The following PREX1 variants were observed in gnomAD, a reference collection of about 807,000 sequenced individuals.
PREX1 encodes phosphatidylinositol-3,4,5-trisphosphate dependent Rac exchange factor 1.
Under a neutral mutation model 198.3 loss-of-function variants are expected in PREX1, and 41 were observed. The observed-to-expected ratio is 0.21, with a 90% CI of 0.16 to 0.27. The LOEUF (loss-of-function observed/expected upper bound fraction) is 0.27. Among genes scored for constraint, PREX1 ranks in the 10% least tolerant of loss-of-function variants. PREX1 has a pLI of 1.00. For missense variants in PREX1, 1,620 were observed against 2,200.7 expected (o/e 0.74, Z 5.28); for synonymous variants, 843 against 887.2 (o/e 0.95, Z 0.89).
At chr20:48,700,524 T>C (rs1375521461) in intron 7 of PREX1, among the ~76,000 whole-genome samples, 1 of 152,216 alleles carries the variant, frequency 6.6e-6, no homozygotes, top group Non-Finnish European at 1.5e-5. Flanking sequence ...TTAACTAAAA[T>C]ATATTATTTA....
At chr20:48,830,461 T>C (rs2090534853), upstream of PREX1, among the ~76,000 whole-genome samples, 1 of 152,236 alleles carries the variant, frequency 6.6e-6, no homozygotes. Flanking sequence ...CTGACACACA[T>C]AGCTGGCACA....
At position 48,630,778 on chromosome 20, in the gene PREX1, G is replaced by A. The variant is rs769354842; in HGVS notation, c.4543C>T (p.Arg1515Trp). Residue 1515 changes from arginine to tryptophan, a missense_variant, in exon 36 of 40, where the codon CGG becomes TGG. Physicochemically the swap from Arg to Trp is moderately radical, Grantham distance 101. Transcript: ENST00000371941. ...YRKLRAFYLE[R>W]SNLPTDASTT... Reference sequence around the variant, plus strand: ...CTGGCATCCGTGGGCAGGTTAGACCGCTCCAGGTAAAATGCCCTGCGAGAG... The same window carrying A: ...CTGGCATCCGTGGGCAGGTTAGACCACTCCAGGTAAAATGCCCTGCGAGAG... 60 of 1,589,504 alleles carry A rather than the reference G, an allele frequency of 3.8e-5. No homozygotes were observed. Among genetic ancestry groups the A allele is most frequent in the Non-Finnish European group, 5.0e-5 (58 of 1,157,982 alleles).
intron 10 of PREX1, among the ~76,000 whole-genome samples, chr20:48,687,521 G>A (rs1176108440): frequency 6.6e-6 from 1 of 152,184 alleles, no homozygotes; most frequent in Non-Finnish European, 1.5e-5. Flanking sequence ...CCTCTCACCT[G>A]GTCCACAGCA....
At chr20:48,700,914 T>G in intron 6 of PREX1, 28 bp from the exon 7 acceptor site, 1 of 1,613,734 alleles carries the variant, frequency 6.2e-7, no homozygotes, top group Non-Finnish European at 8.5e-7. Flanking sequence ...ACACAGTGAA[T>G]GAGCCAACCC....
At chr20:48,777,275 C>G (rs2090266693) in intron 1 of PREX1, among the ~76,000 whole-genome samples, 1 of 152,178 alleles carries the variant, frequency 6.6e-6, no homozygotes, top group Non-Finnish European at 1.5e-5. Flanking sequence ...CCCCAATTCT[C>G]TAACTCTCCA....
the PREX1 span, among the ~76,000 whole-genome samples, chr20:48,864,758 T>C: frequency 1.5e-3 from 223 of 152,334 alleles, 3 homozygotes; most frequent in East Asian, 0.035. Flanking sequence ...CACTTTGTTT[T>C]TCATGGTTCT....
At position 48,650,983 on chromosome 20, in the gene PREX1, C is replaced by A; in HGVS notation, c.2728G>T (p.Ala910Ser). 6.2e-7 allele frequency: 1 copy of A among 1,614,156 alleles called. No homozygotes were observed. The highest frequency in any genetic ancestry group is 2.2e-5 in the East Asian group (1 of 44,886). The change falls in exon 23 of 40, where the codon GCC becomes TCC. Residue 910 changes from alanine to serine, a missense_variant. Physicochemically the swap from Ala to Ser is moderately conservative, Grantham distance 99. Coordinates refer to ENST00000371941, the MANE Select transcript of PREX1 (RefSeq NM_020820.4). ...TCAAAGTGGGGCATGGTCACGATGG[C>A]GCTGCTCAGGGCCATGAGCCGCCTG... ...NCRRLMALSS[A>S]IVTMPHFEFR...
At chr20:48,655,404 A>T in intron 18 of PREX1, 29 bp from the exon 19 acceptor site, 1 of 1,450,552 alleles carries the variant, frequency 6.9e-7, no homozygotes, top group East Asian at 2.5e-5. Flanking sequence ...GCAGGGAAAA[A>T]GGCCATGAGG....
At chr20:48,718,686 A>T (rs1195375920) in intron 5 of PREX1, among the ~76,000 whole-genome samples, 1 of 152,230 alleles carries the variant, frequency 6.6e-6, no homozygotes, top group East Asian at 1.9e-4. Context: ...ACAAAAGGAG[A>T]AATAAGATAT....
intron 1 of PREX1, among the ~76,000 whole-genome samples, chr20:48,825,567 A>T (rs372991094): frequency 1.1e-4 from 16 of 151,920 alleles, no homozygotes; most frequent in African/African-American, 3.6e-4. Context: ...GCTTCCTCCT[A>T]CTCTACACGT....
intron 1 of PREX1, among the ~76,000 whole-genome samples, chr20:48,802,875 G>A (rs910164606): frequency 1.3e-5 from 2 of 152,356 alleles, no homozygotes; most frequent in South Asian, 2.1e-4. Flanking sequence ...CTGCGAGCTT[G>A]TAACAGGGGC....
chr20:48,882,775 T>C, the PREX1 span, among the ~76,000 whole-genome samples: 38 of 152,112 alleles, frequency 2.5e-4, no homozygotes, highest in African/African-American at 9.2e-4. Context: ...TTATCCTCAC[T>C]AGTGGGTGTG....
At chr20:48,652,274 A>C (rs1442867461) in intron 21 of PREX1, among the ~76,000 whole-genome samples, 1 of 152,066 alleles carries the variant, frequency 6.6e-6, no homozygotes, top group African/African-American at 2.4e-5. Context: ...CTCTAAAAAA[A>C]AAACTCTAAA....
Position 48,647,325 on chromosome 20 carries a change from A to G in PREX1, c.3306-1268T>C, listed in dbSNP as rs1260980817. Among the ~76,000 whole-genome samples, 3 of 152,066 alleles carry G rather than the reference A, an allele frequency of 2.0e-5. No individual in the cohort carries two copies. The East Asian group carries it at 5.8e-4, about 29-fold the overall frequency. On this transcript the variant is annotated intron_variant, in intron 25 of 39. Transcript: ENST00000371941. ...GTCACGAGATCAAGAGATCAAGACC[A>G]TCCTGGCCAACATGGTGAAACCCCA...
At chr20:48,750,020 G>A (rs1190625596) in intron 1 of PREX1, among the ~76,000 whole-genome samples, 1 of 151,762 alleles carries the variant, frequency 6.6e-6, no homozygotes, top group African/African-American at 2.4e-5. Context: ...TCCAAACTCA[G>A]CCTGTCCAAC....
intron 10 of PREX1, among the ~76,000 whole-genome samples, chr20:48,688,076 T>C (rs1418521231): frequency 1.3e-5 from 2 of 151,728 alleles, no homozygotes; most frequent in Non-Finnish European, 2.9e-5. Context: ...CACTTTGTTA[T>C]GGCAGCCCCA....
chr20:48,730,113 G>A (rs1271762500), intron 4 of PREX1, among the ~76,000 whole-genome samples: 1 of 151,898 alleles, frequency 6.6e-6, no homozygotes, highest in African/African-American at 2.4e-5. Context: ...TCAGACTTCT[G>A]GCCTCCACAA....
the PREX1 span, among the ~76,000 whole-genome samples, chr20:48,862,929 C>T: frequency 6.6e-5 from 10 of 151,486 alleles, no homozygotes; most frequent in African/African-American, 2.2e-4. Flanking sequence ...TCAAACGATC[C>T]TCCCACCTCA....
At chr20:48,835,181 G>A in the PREX1 span, among the ~76,000 whole-genome samples, 2 of 152,188 alleles carry the variant, frequency 1.3e-5, no homozygotes, top group Non-Finnish European at 2.9e-5. Flanking sequence ...GGTGGGCTGT[G>A]GGAATCTTGT....
Sources: allele counts gnomAD v4.1 joint callset (sites outside exome capture counted in the v4.1 genomes callset), GRCh38; gene constraint gnomAD v4.1.1; transcripts MANE v1.5; gene names NCBI Gene and HGNC (gene_info 2026-07-23, HGNC 2026-07-21).